Variants in TACSTD2 observed in about 807,000 individuals in gnomAD.
The protein encoded by TACSTD2 is tumor associated calcium signal transducer 2, also known as tumor-associated calcium signal transducer 2.
Under a neutral mutation model 7.9 loss-of-function variants are expected in TACSTD2, and 6 were observed. The observed-to-expected ratio is 0.76, with a 90% CI of 0.42 to 1.50. The LOEUF (loss-of-function observed/expected upper bound fraction) is 1.50. Ranked by LOEUF, TACSTD2 falls within the 40% of genes most tolerant of loss-of-function variation. The pLI, the probability that TACSTD2 is intolerant of heterozygous loss-of-function variation, is 0.01. For synonymous variants in TACSTD2, 220 were observed against 225.5 expected, an observed-to-expected ratio of 0.98 and a Z score of 0.22; for missense variants, 511 against 471.2, an observed-to-expected ratio of 1.08 and a Z score of -0.78.
rs1423070988 is a variant in TACSTD2, at chr1:58,576,286, C to G, written c.871G>C (p.Gly291Arg). The stretch of plus-strand genomic sequence containing the variant: ...TTGGTGATCACCAGGACGGCCATGC[C>G]GGCGACGAGGGCCACCACGACCACC... ...IVVVVVALVA[G>R]MAVLVITNRR... is the part of the protein sequence containing the mutation. Residue 291 changes from glycine to arginine, a missense_variant, in exon 1 of 1, where the codon GGC becomes CGC. Coordinates refer to ENST00000371225, the MANE Select transcript of TACSTD2 (RefSeq NM_002353.3). The G allele has an allele frequency of 8.7e-6, 14 of 1,613,346 alleles. No homozygotes were observed. Among genetic ancestry groups the G allele is most frequent in the Non-Finnish European group, 1.2e-5 (14 of 1,179,752 alleles).
At position 58,576,733 on chromosome 1, in the gene TACSTD2, T is replaced by C; in HGVS notation, c.424A>G (p.Ser142Gly). Residue 142 changes from serine to glycine, a missense_variant, in exon 1 of 1, where the codon AGC becomes GGC. Ser to Gly is a moderately conservative substitution (Grantham distance 56). Coordinates refer to ENST00000371225, the MANE Select transcript of TACSTD2 (RefSeq NM_002353.3). ...CGCACCAGCTCATCGCAGCGTAGGCTCAGGTCGCCCTTGTCCGTGCGGCGC... is the reference window on the plus strand; with the variant it reads ...CGCACCAGCTCATCGCAGCGTAGGCCCAGGTCGCCCTTGTCCGTGCGGCGC... Reference protein sequence around the residue: ...GVRRTDKGDLSLRCDELVRTH... With the variant: ...GVRRTDKGDLGLRCDELVRTH... 1.9e-6 allele frequency: 3 copies of C among 1,600,680 alleles called. No homozygotes were observed. In the South Asian group the frequency reaches 3.3e-5, roughly 18 times the overall value.
rs1442191833 is a variant in TACSTD2, at chr1:58,576,725, G to A, written c.432C>T (p.Arg144=). ...RRTDKGDLSL[R]CDELVRTHHI... is the part of the protein sequence containing the mutation. Reference sequence around the variant, plus strand: ...GGTGGGTGCGCACCAGCTCATCGCAGCGTAGGCTCAGGTCGCCCTTGTCCG... The same window carrying A: ...GGTGGGTGCGCACCAGCTCATCGCAACGTAGGCTCAGGTCGCCCTTGTCCG... The change falls in exon 1 of 1, where the codon CGC becomes CGT. Residue 144 remains arginine, a synonymous_variant. Transcript: ENST00000371225. 2 of 1,600,980 alleles carry A rather than the reference G, an allele frequency of 1.2e-6. No homozygotes were observed. The highest frequency in any genetic ancestry group is 2.7e-5 in the African/African-American group (2 of 74,920).
chr1:58,576,960 C>A lies in TACSTD2; in HGVS notation c.197G>T (p.Cys66Phe). The A allele has an allele frequency of 6.3e-7, 1 of 1,581,750 alleles. No homozygotes were observed. Residue 66 changes from cysteine (C) to phenylalanine (F), a missense_variant, in exon 1 of 1, where the codon TGC becomes TTC. Cys to Phe is a radical substitution (Grantham distance 205, BLOSUM62 -2). Transcript: ENST00000371225. ...RALGSGMAVD[C>F]STLTSKCLLL... ...CAGACACTTGGAGGTCAGCGTGGAG[C>A]AGTCGACCGCCATGCCCGAGCCCAG... is the stretch of plus-strand genomic sequence containing the variant.
Position 58,577,180 on chromosome 1 carries a change from GGACGCGGGCGGATGA to G in TACSTD2, c.-39_-25del, listed in dbSNP as rs1181917805. On this transcript the variant is annotated 5_prime_UTR_variant, in exon 1 of 1. Coordinates refer to ENST00000371225, the MANE Select transcript of TACSTD2 (RefSeq NM_002353.3). ...ATGGTGGGGCGGAGGAACGCGGACC[GGACGCGGGCGGATGA>G]GGCGCGGGGACTCGTCGGGGCTCGG... 3.0e-6 allele frequency: 4 copies of G among 1,343,498 alleles called. No homozygotes were observed. The highest frequency in any genetic ancestry group is 8.2e-5 in the Admixed American group (2 of 24,400). 83.2% of individuals were successfully genotyped at this position (1,343,498 alleles called of 1,614,324 possible).
In TACSTD2 at chr1:58,576,960, C is replaced by T; in HGVS notation, c.197G>A (p.Cys66Tyr). The T allele has an allele frequency of 1.9e-6, 3 of 1,581,748 alleles. No homozygotes were observed. Among genetic ancestry groups the T allele is most frequent in the Non-Finnish European group, 2.6e-6 (3 of 1,168,438 alleles). Residue 66 changes from cysteine (C) to tyrosine (Y), a missense_variant, in exon 1 of 1, where the codon TGC (cysteine) becomes TAC (tyrosine). Physicochemically the swap from Cys to Tyr is radical, Grantham distance 194. Coordinates refer to ENST00000371225, the MANE Select transcript of TACSTD2 (RefSeq NM_002353.3). ...CAGACACTTGGAGGTCAGCGTGGAG[C>T]AGTCGACCGCCATGCCCGAGCCCAG... ...RALGSGMAVD[C>Y]STLTSKCLLL... is the part of the protein sequence containing the mutation.
Position 58,576,517 on chromosome 1 carries a change from C to A in TACSTD2, c.640G>T (p.Ala214Ser). 1 of 1,612,272 alleles carries A rather than the reference C, an allele frequency of 6.2e-7. No homozygotes were observed. The highest frequency in any genetic ancestry group is 8.5e-7 in the Non-Finnish European group (1 of 1,179,414). Residue 214 changes from alanine to serine, a missense_variant, in exon 1 of 1, where the codon GCC becomes TCC. Ala to Ser is a moderately conservative substitution (Grantham distance 99). Transcript: ENST00000371225. ...GCATCGCCGATATCCACGTCACCGG[C>A]GGCCTTCTGAGACGTGTTCTGCCGC... ...ELRQNTSQKA[A>S]GDVDIGDAAY...
Position 58,576,918 on chromosome 1 carries a change from A to T in TACSTD2, c.239T>A (p.Met80Lys). 6.3e-7 allele frequency: 1 copy of T among 1,587,906 alleles called. No homozygotes were observed. Among genetic ancestry groups the T allele is most frequent in the Non-Finnish European group, 8.5e-7 (1 of 1,173,608 alleles). The change falls in exon 1 of 1, where the codon ATG (methionine) becomes AAG (lysine). Residue 80 changes from methionine to lysine, a missense_variant. By Grantham distance (95) the Met-to-Lys change is moderately conservative. Transcript: ENST00000371225. ...CGTGCGGGCGTTCTTGGGGGCGCTC[A>T]TGCGCGCCTTGAGCAGCAGACACTT... ...TSKCLLLKARMSAPKNARTLV... is the reference protein window; with the variant it reads ...TSKCLLLKARKSAPKNARTLV...
chr1:58,576,158 C>G lies in TACSTD2; in HGVS notation c.*27G>C. 6.2e-7 allele frequency: 1 copy of G among 1,609,502 alleles called. No homozygotes were observed. The highest frequency in any genetic ancestry group is 8.5e-7 in the Non-Finnish European group (1 of 1,178,138). On this transcript the variant is annotated 3_prime_UTR_variant, in exon 1 of 1. Coordinates refer to ENST00000371225, the MANE Select transcript of TACSTD2 (RefSeq NM_002353.3). ...GGGACGATACCGAAATCCGGTACCC[C>G]ACCCCATCCCCTGCCCCGCCGGGTA...
Position 58,576,651 on chromosome 1 carries a change from T to G in TACSTD2, c.506A>C (p.His169Pro). 6.2e-7 allele frequency: 1 copy of G among 1,605,940 alleles called. No individual in the cohort carries two copies. Among genetic ancestry groups the G allele is most frequent in the Non-Finnish European group, 8.5e-7 (1 of 1,177,344 alleles). The change falls in exon 1 of 1, where the codon CAC becomes CCC. Residue 169 changes from histidine (H) to proline (P), a missense_variant. By Grantham distance (77) the His-to-Pro change is moderately conservative. Transcript: ENST00000371225. ...CCTCAGCTCGGCGTCCAGGTCTGAG[T>G]GGTTGAAGGCGCCGGCGGTGGGGCG... ...RHRPTAGAFN[H>P]SDLDAELRRL...
chr1:58,576,505 C>A lies in TACSTD2; in HGVS notation c.652G>T (p.Asp218Tyr). Residue 218 changes from aspartate to tyrosine, a missense_variant, in exon 1 of 1, where the codon GAT (aspartate) becomes TAT (tyrosine). Asp to Tyr is a radical substitution (Grantham distance 160). Coordinates refer to ENST00000371225, the MANE Select transcript of TACSTD2 (RefSeq NM_002353.3). ...AAGTAGTAGGCGGCATCGCCGATAT[C>A]CACGTCACCGGCGGCCTTCTGAGAC... ...NTSQKAAGDV[D>Y]IGDAAYYFER... is the part of the protein sequence containing the mutation. 1 of 1,613,104 alleles carries A rather than the reference C, an allele frequency of 6.2e-7. No homozygotes were observed. The highest frequency in any genetic ancestry group is 8.5e-7 in the Non-Finnish European group (1 of 1,179,678).
chr1:58,576,026 TCTATTAAAC>T lies in TACSTD2; in HGVS notation c.*150_*158del. 1 of 834,266 alleles carries T rather than the reference TCTATTAAAC, an allele frequency of 1.2e-6. No individual in the cohort carries two copies. Among genetic ancestry groups the T allele is most frequent in the Non-Finnish European group, 1.8e-6 (1 of 548,106 alleles). The allele number at this position is 834,266 out of a possible 1,614,324, so 51.7% of individuals were successfully genotyped here. On this transcript the variant is annotated 3_prime_UTR_variant, in exon 1 of 1. Coordinates refer to ENST00000371225, the MANE Select transcript of TACSTD2 (RefSeq NM_002353.3). ...AAGAAAGGAGACCCTGAGGCCAGGA[TCTATTAAAC>T]CTGGTGTGTGCGCAAAAGGGAGGGG...
chr1:58,576,875 C>A lies in TACSTD2; in HGVS notation c.282G>T (p.Glu94Asp). The change falls in exon 1 of 1, where the codon GAG becomes GAT. Residue 94 changes from glutamate (E) to aspartate (D), a missense_variant. By Grantham distance (45) the Glu-to-Asp change is conservative (BLOSUM62 2). Transcript: ENST00000371225. ...KNARTLVRPS[E>D]HALVDNDGLY... ...GGCCATCGTTGTCCACGAGCGCGTG[C>A]TCACTCGGCCGCACCAGCGTGCGGG... The A allele has an allele frequency of 6.3e-7, 1 of 1,591,518 alleles. No individual in the cohort carries two copies. Among genetic ancestry groups the A allele is most frequent in the Non-Finnish European group, 8.5e-7 (1 of 1,175,666 alleles).
Position 58,575,768 on chromosome 1 carries a change from A to G in TACSTD2, c.*417T>C. ...CCATGATACAAGTGGAACTCATCAA[A>G]TAATTTAAACCCAAGGCGATAACAA... On this transcript the variant is annotated 3_prime_UTR_variant, in exon 1 of 1. Transcript: ENST00000371225. 5.3e-6 allele frequency: 1 copy of G among 188,302 alleles called. No homozygotes were observed. Among genetic ancestry groups the G allele is most frequent in the Non-Finnish European group, 1.1e-5 (1 of 90,032 alleles). The allele number at this position is 188,302 out of a possible 1,614,324, so 11.7% of individuals were successfully genotyped here. A position where few individuals can be genotyped will look rare whatever the true frequency, so the allele number is the denominator to read the frequency against.
Position 58,576,087 on chromosome 1 carries a change from G to A in TACSTD2, c.*98C>T, listed in dbSNP as rs72672295. The A allele has an allele frequency of 4.6e-4, 662 of 1,430,774 alleles. 8 individuals are homozygous for A. In the Admixed American group the frequency reaches 0.013, roughly 28 times the overall value. 88.6% of individuals were successfully genotyped at this position (1,430,774 alleles called of 1,614,324 possible). A position where few individuals can be genotyped will look rare whatever the true frequency, so the allele number is the denominator to read the frequency against. The stretch of plus-strand genomic sequence containing the variant: ...AAGGCAGGAATTTGAAAGGATAAAC[G>A]TCTCCTTTGCGCCGAGGAATCAGGA... On this transcript the variant is annotated 3_prime_UTR_variant, in exon 1 of 1. Coordinates refer to ENST00000371225, the MANE Select transcript of TACSTD2 (RefSeq NM_002353.3).
Position 58,576,398 on chromosome 1 carries a change from C to T in TACSTD2, c.759G>A (p.Val253=). 1 of 1,613,470 alleles carries T rather than the reference C, an allele frequency of 6.2e-7. No individual in the cohort carries two copies. The change falls in exon 1 of 1, where the codon GTG becomes GTA. Residue 253 remains valine (V), a synonymous_variant. Coordinates refer to ENST00000371225, the MANE Select transcript of TACSTD2 (RefSeq NM_002353.3). ...DLRVRGEPLQ[V]ERTLIYYLDE... ...CCAGGTAATAGATGAGCGTGCGCTCCACCTGCAGGGGTTCTCCGCGCACGC... is the reference window on the plus strand; with the variant it reads ...CCAGGTAATAGATGAGCGTGCGCTCTACCTGCAGGGGTTCTCCGCGCACGC...
rs1646882348 is a variant in TACSTD2, at chr1:58,576,476, C to G, written c.681G>C (p.Glu227Asp). Residue 227 changes from glutamate (E) to aspartate (D), a missense_variant, in exon 1 of 1, where the codon GAG becomes GAC. Physicochemically the swap from Glu to Asp is conservative, Grantham distance 45 (BLOSUM62 2). Transcript: ENST00000371225. Reference sequence around the variant, plus strand: ...ATAGAGACTCGCCCTTGATGTCCCTCTCGAAGTAGTAGGCGGCATCGCCGA... The same window carrying G: ...ATAGAGACTCGCCCTTGATGTCCCTGTCGAAGTAGTAGGCGGCATCGCCGA... ...VDIGDAAYYF[E>D]RDIKGESLFQ... 1.9e-6 allele frequency: 3 copies of G among 1,613,802 alleles called. No homozygotes were observed. The highest frequency in any genetic ancestry group is 2.5e-6 in the Non-Finnish European group (3 of 1,179,914).
At position 58,576,996 on chromosome 1, in the gene TACSTD2, T is replaced by C. The variant is rs751307636; in HGVS notation, c.161A>G (p.Gln54Arg). 8.3e-6 allele frequency: 13 copies of C among 1,570,058 alleles called. No homozygotes were observed. Among genetic ancestry groups the C allele is most frequent in the East Asian group, 2.3e-5 (1 of 43,082 alleles). The change falls in exon 1 of 1, where the codon CAG (glutamine) becomes CGG (arginine). Residue 54 changes from glutamine to arginine, a missense_variant. Transcript: ENST00000371225. The stretch of plus-strand genomic sequence containing the variant: ...CATGCCCGAGCCCAGCGCGCGGCAC[T>C]GGCAGCGGCCGCCGGGGCCGTCGGG... ...CSPDGPGGRC[Q>R]CRALGSGMAV...
chr1:58,576,941 C>T lies in TACSTD2; in HGVS notation c.216G>A (p.Lys72=). 2 of 1,587,596 alleles carry T rather than the reference C, an allele frequency of 1.3e-6. No homozygotes were observed. Among genetic ancestry groups the T allele is most frequent in the South Asian group, 1.1e-5 (1 of 89,064 alleles). Residue 72 remains lysine (K), a synonymous_variant, in exon 1 of 1, where the codon AAG becomes AAA. Coordinates refer to ENST00000371225, the MANE Select transcript of TACSTD2 (RefSeq NM_002353.3). ...MAVDCSTLTS[K]CLLLKARMSA... is the part of the protein sequence containing the mutation. ...TCATGCGCGCCTTGAGCAGCAGACA[C>T]TTGGAGGTCAGCGTGGAGCAGTCGA...
At position 58,576,452 on chromosome 1, in the gene TACSTD2, T is replaced by G. The variant is rs1557472746; in HGVS notation, c.705A>C (p.Leu235=). 12 of 1,613,976 alleles carry G rather than the reference T, an allele frequency of 7.4e-6. No homozygotes were observed. Among genetic ancestry groups the G allele is most frequent in the Non-Finnish European group, 1.0e-5 (12 of 1,179,952 alleles). ...AGTCCAGGCCGCCGCGGCCCTGGAA[T>G]AGAGACTCGCCCTTGATGTCCCTCT... ...YFERDIKGES[L]FQGRGGLDLR... Residue 235 remains leucine, a synonymous_variant, in exon 1 of 1, where the codon CTA becomes CTC. Coordinates refer to ENST00000371225, the MANE Select transcript of TACSTD2 (RefSeq NM_002353.3).
Sources: allele counts gnomAD v4.1 joint callset, GRCh38; gene constraint gnomAD v4.1.1; transcripts MANE v1.5; gene names NCBI Gene and HGNC (gene_info 2026-07-23, HGNC 2026-07-21).